ZCCHC14: variants seen among roughly 807,000 people sequenced by gnomAD.
The protein encoded by ZCCHC14 is zinc finger CCHC-type containing 14.
A neutral mutation model predicts 85.0 loss-of-function variants in ZCCHC14; 16 were observed. The ratio of observed to expected loss-of-function variants is 0.19; its 90% confidence interval spans 0.13 to 0.29. ZCCHC14 has a LOEUF of 0.29. Ranked by LOEUF, ZCCHC14 falls within the 10% of genes least tolerant of loss-of-function variation. The pLI is 1.00. For synonymous variants in ZCCHC14, 775 were observed against 630.7 expected (o/e 1.23, Z -3.43); for missense variants, 1,303 against 1,443.5 (o/e 0.90, Z 1.58).
intron 1 of ZCCHC14, among the ~76,000 whole-genome samples, chr16:87,490,693 T>C (rs1020987243): frequency 1.3e-4 from 20 of 152,210 alleles, no homozygotes; most frequent in African/African-American, 4.3e-4. Flanking sequence ...GGGTCGCCAA[T>C]AAATAGGTTT....
At chr16:87,489,303 T>A (rs1481753533) in intron 1 of ZCCHC14, among the ~76,000 whole-genome samples, 2 of 152,140 alleles carry the variant, frequency 1.3e-5, no homozygotes, top group Non-Finnish European at 2.9e-5. Context: ...TCATTAAGGG[T>A]CACAGAATCT....
At chr16:87,489,670 G>A (rs1912663057) in intron 1 of ZCCHC14, among the ~76,000 whole-genome samples, 1 of 152,192 alleles carries the variant, frequency 6.6e-6, no homozygotes, top group Non-Finnish European at 1.5e-5. Flanking sequence ...CATGGCCTTG[G>A]GACTGGGGTG....
At chr16:87,470,384 ATTAT>A (rs1911723663) in intron 1 of ZCCHC14, 1 of 152,170 alleles carries the variant, frequency 6.6e-6, no homozygotes, top group South Asian at 2.1e-4. Context: ...AGCTTGAATA[ATTAT>A]TTAATTACTT....
Position 87,491,777 on chromosome 16 carries a change from G to C in ZCCHC14, c.462C>G (p.Arg154=). 1 of 1,589,360 alleles carries C rather than the reference G, an allele frequency of 6.3e-7. No homozygotes were observed. The highest frequency in any genetic ancestry group is 1.1e-5 in the South Asian group (1 of 88,194). ...AFSFHQKQVL[R]QELTQIQSSL... is the part of the protein sequence containing the mutation. ...TGCTCTGGATCTGCGTGAGCTCCTG[G>C]CGCAGCACCTGCTTCTGGTGGAAGC... The change falls in exon 1 of 13, where the codon CGC becomes CGG. Residue 154 remains arginine, a synonymous_variant. Transcript: ENST00000671377. The surrounding 1 kb of genome is among the most constrained non-coding windows in gnomAD (Gnocchi z 5.9).
intron 2 of ZCCHC14, among the ~76,000 whole-genome samples, chr16:87,455,072 T>G (rs1910887759): frequency 6.6e-6 from 1 of 152,204 alleles, no homozygotes. Flanking sequence ...GCAGATCACC[T>G]GAGGTCGGGA....
chr16:87,442,815 G>A (rs913784578), intron 2 of ZCCHC14, among the ~76,000 whole-genome samples: 4 of 152,170 alleles, frequency 2.6e-5, no homozygotes, highest in Admixed American at 6.5e-5. Flanking sequence ...TGGGACTTTC[G>A]CATCAGAAAC....
At chr16:87,419,750 T>A (rs75931869) in intron 6 of ZCCHC14, 33 bp downstream of exon 6, 86 of 1,517,630 alleles carry the variant, frequency 5.7e-5, no homozygotes, top group African/African-American at 9.9e-5. Context: ...TTTTTTTTTT[T>A]AATTTATATT....
At position 87,411,572 on chromosome 16, in the gene ZCCHC14, G is replaced by A; in HGVS notation, c.3149C>T (p.Ala1050Val). The A allele has an allele frequency of 1.2e-6, 2 of 1,613,742 alleles. No homozygotes were observed. The highest frequency in any genetic ancestry group is 1.3e-5 in the African/African-American group (1 of 75,056). ...GCAGTCCTGGGCGCGGTGACCAGTG[G>A]CCCCGCAGTTGTAACAAGATAGGTT... ...SGNLSCYNCG[A>V]TGHRAQDCKQ... Residue 1050 changes from alanine to valine, a missense_variant, in exon 12 of 13, where the codon GCC (alanine) becomes GTC (valine). This residue lies in a region of ZCCHC14 where 797 missense variants were observed against 730.8 expected (regional missense o/e 1.09). Transcript: ENST00000671377.
rs775924435 is a variant in ZCCHC14 at position 87,459,994 on chromosome 16, G to A, written c.694+14C>T. 4.3e-6 allele frequency: 7 copies of A among 1,614,092 alleles called. No homozygotes were observed. Among genetic ancestry groups the A allele is most frequent in the Non-Finnish European group, 5.1e-6 (6 of 1,179,972 alleles). ...TCCGTCAGACGTCCTCCTGAAACCC[G>A]TGCGTGCACTCACCTTTGCTGTGTT... On this transcript the variant is annotated intron_variant, in intron 2 of 12. Transcript: ENST00000671377.
chr16:87,478,974 C>T (rs973870955), intron 1 of ZCCHC14, among the ~76,000 whole-genome samples: 6 of 152,148 alleles, frequency 3.9e-5, no homozygotes. Flanking sequence ...ATTAAAATGC[C>T]CAAAACAGAG....
chr16:87,466,717 G>C (rs920452029), intron 1 of ZCCHC14, among the ~76,000 whole-genome samples: 1 of 152,184 alleles, frequency 6.6e-6, no homozygotes, highest in Non-Finnish European at 1.5e-5. Context: ...ATCTGTGACT[G>C]CATCTGTGAC....
chr16:87,413,120 G>C lies in ZCCHC14; in HGVS notation c.1679C>G (p.Ser560Cys), dbSNP rs1207363985. The change falls in exon 11 of 13, where the codon TCC (serine) becomes TGC (cysteine). Residue 560 changes from serine (S) to cysteine (C), a missense_variant. Around this residue, in one of 7 missense-constraint regions of ZCCHC14, gnomAD observed 797 missense variants for 730.8 expected, o/e 1.09. Transcript: ENST00000671377. ...GGCCTGTACCCCCATGGGGCTGGAG[G>C]AGGAGCTGGAGTACTCCGAGGAACT... is the stretch of plus-strand genomic sequence containing the variant. ...EGSSSEYSSSSSSPMGVQARE... is the reference protein window; with the variant it reads ...EGSSSEYSSSCSSPMGVQARE... 1 of 1,613,516 alleles carries C rather than the reference G, an allele frequency of 6.2e-7. No individual in the cohort carries two copies. The highest frequency in any genetic ancestry group is 2.2e-5 in the East Asian group (1 of 44,838).
rs1908371468 is a variant in ZCCHC14 at position 87,410,239 on chromosome 16, G to C, written c.*41C>G. On this transcript the variant is annotated 3_prime_UTR_variant, in exon 13 of 13. Transcript: ENST00000671377. ...CAGTTTTGTATTTAATTTTCCTTAT[G>C]TCTCCATGGCTTAATAACGTTCTGT... is the stretch of plus-strand genomic sequence containing the variant. The C allele has an allele frequency of 2.8e-6, 2 of 704,596 alleles. No homozygotes were observed. The highest frequency in any genetic ancestry group is 5.2e-6 in the Non-Finnish European group (2 of 385,204). The allele number at this position is 704,596 out of a possible 1,614,324, so 43.6% of individuals were successfully genotyped here.
intron 2 of ZCCHC14, among the ~76,000 whole-genome samples, chr16:87,445,800 C>G (rs1328193466): frequency 6.6e-6 from 1 of 152,136 alleles, no homozygotes; most frequent in African/African-American, 2.4e-5. Flanking sequence ...GTTGTAGTGT[C>G]TCTTTTGATG....
intron 3 of ZCCHC14, among the ~76,000 whole-genome samples, chr16:87,428,838 G>C (rs1298754216): frequency 6.6e-6 from 1 of 152,224 alleles, no homozygotes. Flanking sequence ...CACAACACGA[G>C]ATTCGTGCAT....
At chr16:87,457,162 G>A (rs1051934682) in intron 2 of ZCCHC14, among the ~76,000 whole-genome samples, 4 of 152,180 alleles carry the variant, frequency 2.6e-5, no homozygotes, top group Non-Finnish European at 4.4e-5. Context: ...TGGGTACGGG[G>A]TTTACTAGGC....
At chr16:87,432,091 T>C (rs954073816) in intron 3 of ZCCHC14, among the ~76,000 whole-genome samples, 7 of 152,218 alleles carry the variant, frequency 4.6e-5, no homozygotes, top group African/African-American at 1.7e-4. Context: ...AGCTACACTC[T>C]TCAAAAAATT....
intron 1 of ZCCHC14, among the ~76,000 whole-genome samples, chr16:87,468,172 A>G (rs1911616391): frequency 6.6e-6 from 1 of 152,198 alleles, no homozygotes; most frequent in Admixed American, 6.5e-5. Context: ...TTTTATATGA[A>G]GAAGTTTAAG....
intron 2 of ZCCHC14, among the ~76,000 whole-genome samples, chr16:87,450,478 G>C (rs936914333): frequency 6.6e-6 from 1 of 151,668 alleles, no homozygotes; most frequent in Non-Finnish European, 1.5e-5. Flanking sequence ...TTATTATCTA[G>C]CTACATTGCA....
Sources: gnomAD v4.1 joint callset for allele counts (sites outside exome capture counted in the v4.1 genomes callset) on GRCh38, gnomAD v4.1.1 for gene constraint, gnomAD v4.1.1 regional missense constraint, Gnocchi (gnomAD v3.1) non-coding constraint, MANE v1.5 for transcripts, NCBI Gene and HGNC (gene_info 2026-07-23, HGNC 2026-07-21) for gene names.